TMEM232: variants seen among roughly 807,000 people sequenced by gnomAD.
The protein encoded by TMEM232 is transmembrane protein 232.
In TMEM232, 80 loss-of-function variants were observed where a neutral mutation model predicts 78.8. That is an observed-to-expected ratio of 1.01 (90% confidence interval 0.85 to 1.22). TMEM232 has a LOEUF of 1.22. Ranked by LOEUF, TMEM232 falls within the 50% of genes most tolerant of loss-of-function variation. The pLI is 0.00. For synonymous variants in TMEM232, 297 were observed against 254.3 expected, an observed-to-expected ratio of 1.17 and a Z score of -1.60; for missense variants, 881 against 742.2, an observed-to-expected ratio of 1.19 and a Z score of -2.17.
intron 2 of TMEM232, among the ~76,000 whole-genome samples, chr5:110,643,748 T>G (rs1787075399): frequency 1.3e-5 from 2 of 152,032 alleles, no homozygotes; most frequent in Admixed American, 6.6e-5. Context: ...AAATCAGATT[T>G]TGTCCCTGAG....
intron 10 of TMEM232, among the ~76,000 whole-genome samples, chr5:110,588,598 G>A (rs1311228012): frequency 1.3e-5 from 2 of 152,074 alleles, no homozygotes; most frequent in Middle Eastern, 3.2e-3. Flanking sequence ...GGACTAGAAC[G>A]CGAGAAAATG....
At chr5:110,404,312 A>G (rs537662556) in intron 2 of TMEM232, among the ~76,000 whole-genome samples, 112 of 152,202 alleles carry the variant, frequency 7.4e-4, no homozygotes, top group Non-Finnish European at 1.2e-3. Context: ...AGGACATTTT[A>G]TCCTCATCTC....
chr5:110,505,506 C>A (rs1250951440), intron 12 of TMEM232, among the ~76,000 whole-genome samples: 1 of 152,020 alleles, frequency 6.6e-6, no homozygotes, highest in Non-Finnish European at 1.5e-5. Flanking sequence ...TTTTTCTTTT[C>A]TTTTCCTTTT....
At chr5:110,618,873 A>G (rs547258993) in intron 7 of TMEM232, among the ~76,000 whole-genome samples, 76 of 152,306 alleles carry the variant, frequency 5.0e-4, no homozygotes, top group South Asian at 1.2e-3. Flanking sequence ...CGTAGATTCT[A>G]TGTGACTTAG....
chr5:110,598,671 C>T (rs1780491402), intron 10 of TMEM232, among the ~76,000 whole-genome samples: 1 of 151,842 alleles, frequency 6.6e-6, no homozygotes, highest in Non-Finnish European at 1.5e-5. Flanking sequence ...CCATGGAATA[C>T]TATGCAGCCA....
intron 10 of TMEM232, among the ~76,000 whole-genome samples, chr5:110,571,923 T>G (rs1776989709): frequency 6.6e-6 from 1 of 151,998 alleles, no homozygotes; most frequent in African/African-American, 2.4e-5. Context: ...CAATGTCATG[T>G]TTATTCAAGC....
chr5:110,591,788 C>A (rs1404648830), intron 10 of TMEM232, among the ~76,000 whole-genome samples: 1 of 151,864 alleles, frequency 6.6e-6, no homozygotes, highest in Non-Finnish European at 1.5e-5. Context: ...TCACTCTCAA[C>A]AAAAGACTTA....
Position 110,714,298 on chromosome 5 carries a change from A to G in TMEM232, c.-13+12329T>C, listed in dbSNP as rs555614561. Reference sequence around the variant, plus strand: ...TCTCCCTCCAGAGACTAGGACACCTATATGCTCATTAACCCTATATACAGT... The same window carrying G: ...TCTCCCTCCAGAGACTAGGACACCTGTATGCTCATTAACCCTATATACAGT... On this transcript the variant is annotated intron_variant, in intron 1 of 13. Coordinates refer to ENST00000455884, the MANE Select transcript of TMEM232 (RefSeq NM_001039763.4). Among the ~76,000 whole-genome samples the G allele has an allele frequency of 1.4e-4, 21 of 152,284 alleles. 1 individual carries two copies. In the South Asian group the frequency reaches 1.9e-3, roughly 14 times the overall value.
intron 12 of TMEM232, among the ~76,000 whole-genome samples, chr5:110,488,542 A>T (rs1252638137): frequency 6.6e-6 from 1 of 152,116 alleles, no homozygotes; most frequent in East Asian, 1.9e-4. Context: ...TGAAATTAAA[A>T]CACAACAGAC....
At chr5:110,695,648 C>G (rs1056904245) in intron 1 of TMEM232, among the ~76,000 whole-genome samples, 6 of 152,244 alleles carry the variant, frequency 3.9e-5, no homozygotes, top group East Asian at 3.9e-4. Flanking sequence ...GAAATACAAA[C>G]TACCATCAGA....
intron 12 of TMEM232, among the ~76,000 whole-genome samples, chr5:110,456,469 T>A (rs1164204762): frequency 1.3e-5 from 2 of 152,134 alleles, no homozygotes; most frequent in African/African-American, 4.8e-5. Flanking sequence ...TGTCAATACT[T>A]TTTAAACTAA....
At chr5:110,423,803 G>GTGTGTGTATGTGTA (rs931367364) in intron 13 of TMEM232, among the ~76,000 whole-genome samples, 9 of 151,748 alleles carry the variant, frequency 5.9e-5, no homozygotes, top group Non-Finnish European at 1.0e-4. Context: ...GTGTGTGTGT[G>GTGTGTGTATGTGTA]TGTGTGTATG....
At chr5:110,439,696 C>T (rs1467347251) in intron 12 of TMEM232, among the ~76,000 whole-genome samples, 1 of 151,992 alleles carries the variant, frequency 6.6e-6, no homozygotes, top group African/African-American at 2.4e-5. Flanking sequence ...GGCAAAGCAA[C>T]TAAGAAACTC....
rs1029942726 is a variant in TMEM232, at chr5:110,669,345, T to C, written c.-12-1981A>G. Among the ~76,000 whole-genome samples, 6 of 152,132 alleles carry C rather than the reference T, an allele frequency of 3.9e-5. No individual in the cohort carries two copies. The East Asian group carries it at 7.7e-4, about 19-fold the overall frequency. Reference sequence around the variant, plus strand: ...TACAAACTACCATCAGAGAATACTATAAACACCTCTATGCAAATAAACTAG... The same window carrying C: ...TACAAACTACCATCAGAGAATACTACAAACACCTCTATGCAAATAAACTAG... On this transcript the variant is annotated intron_variant, in intron 1 of 13. Coordinates refer to ENST00000455884, the MANE Select transcript of TMEM232 (RefSeq NM_001039763.4).
chr5:110,582,401 T>G (rs1285861336), intron 10 of TMEM232, among the ~76,000 whole-genome samples: 3 of 151,750 alleles, frequency 2.0e-5, no homozygotes, highest in African/African-American at 4.8e-5. Flanking sequence ...AGCAAATTAA[T>G]ATAGGAACAG....
chr5:110,640,231 T>A (rs1289878521), intron 4 of TMEM232, among the ~76,000 whole-genome samples: 1 of 152,180 alleles, frequency 6.6e-6, no homozygotes, highest in African/African-American at 2.4e-5. Flanking sequence ...AAAATAATTC[T>A]TACTCTTCCT....
chr5:110,557,148 A>C (rs1312799976), intron 11 of TMEM232, among the ~76,000 whole-genome samples: 1 of 152,080 alleles, frequency 6.6e-6, no homozygotes, highest in African/African-American at 2.4e-5. Flanking sequence ...TTCTTTTCTC[A>C]GCTTGATCTG....
intron 10 of TMEM232, among the ~76,000 whole-genome samples, chr5:110,590,054 T>A (rs139830357): frequency 1.3e-5 from 2 of 152,096 alleles, no homozygotes; most frequent in Admixed American, 6.6e-5. Context: ...ATAAAAGGAA[T>A]AATAAAAGTC....
At chr5:110,512,034 C>T (rs940174824) in intron 12 of TMEM232, among the ~76,000 whole-genome samples, 1 of 152,188 alleles carries the variant, frequency 6.6e-6, no homozygotes, top group African/African-American at 2.4e-5. Flanking sequence ...ACATCATGTA[C>T]CTCTCCCTCA....
Sources: allele counts gnomAD v4.1 joint callset (sites outside exome capture counted in the v4.1 genomes callset), GRCh38; gene constraint gnomAD v4.1.1; transcripts MANE v1.5; gene names NCBI Gene and HGNC (gene_info 2026-07-23, HGNC 2026-07-21).